The following LINGO2 variants were observed in gnomAD, a reference collection of about 807,000 sequenced individuals.
The protein encoded by LINGO2 is leucine rich repeat and Ig domain containing 2.
A neutral mutation model predicts 30.6 loss-of-function variants in LINGO2; 14 were observed. The ratio of observed to expected loss-of-function variants is 0.46; its 90% CI spans 0.30 to 0.72. LINGO2 has a LOEUF of 0.72. Ranked by LOEUF, LINGO2 falls within the 30% of genes least tolerant of loss-of-function variation. The pLI is 0.07. For missense variants in LINGO2, 729 were observed against 751.7 expected (o/e 0.97, Z 0.35); for synonymous variants, 317 against 288.5 (o/e 1.10, Z -1.00).
At chr9:28,943,144 A>AATCTCAGG in the LINGO2 span, among the ~76,000 whole-genome samples, 2 of 152,174 alleles carry the variant, frequency 1.3e-5, no homozygotes, top group African/African-American at 4.8e-5. Flanking sequence ...GTAAAGACGC[A>AATCTCAGG]ATCTCAGGCT....
chr9:28,053,447 A>G (rs940309298), intron 4 of LINGO2, among the ~76,000 whole-genome samples: 17 of 152,266 alleles, frequency 1.1e-4, no homozygotes, highest in African/African-American at 3.8e-4. Flanking sequence ...TTGTATACGA[A>G]TAAATGGTAG....
At chr9:28,874,934 T>C in the LINGO2 span, among the ~76,000 whole-genome samples, 11 of 152,104 alleles carry the variant, frequency 7.2e-5, no homozygotes, top group Middle Eastern at 3.2e-3. Flanking sequence ...GTTGTACTGG[T>C]TGACTATACC....
chr9:28,963,631 C>T, the LINGO2 span, among the ~76,000 whole-genome samples: 1 of 151,228 alleles, frequency 6.6e-6, no homozygotes, highest in African/African-American at 2.4e-5. Context: ...TTTGCAGCAA[C>T]ATGGATGCAA....
At chr9:28,304,248 G>GTATA (rs143008292) in intron 3 of LINGO2, among the ~76,000 whole-genome samples, 61 of 148,964 alleles carry the variant, frequency 4.1e-4, no homozygotes, top group African/African-American at 1.4e-3. Context: ...AATTTAAAAT[G>GTATA]TATATATATA....
the LINGO2 span, among the ~76,000 whole-genome samples, chr9:29,076,840 T>C: frequency 2.0e-5 from 3 of 151,880 alleles, no homozygotes; most frequent in Non-Finnish European, 2.9e-5. Context: ...GGATAGGCAA[T>C]ATTTAAAATG....
At chr9:28,915,931 C>T in the LINGO2 span, among the ~76,000 whole-genome samples, 1 of 152,198 alleles carries the variant, frequency 6.6e-6, no homozygotes, top group East Asian at 1.9e-4. Context: ...GATAAACGGT[C>T]GCGAATTTCT....
chr9:29,131,392 G>C, the LINGO2 span, among the ~76,000 whole-genome samples: 2 of 151,962 alleles, frequency 1.3e-5, no homozygotes, highest in Non-Finnish European at 2.9e-5. Flanking sequence ...TTAACACAAA[G>C]ACTGCTAAGT....
At chr9:28,611,002 GA>G (rs1825893493) in intron 1 of LINGO2, among the ~76,000 whole-genome samples, 1 of 152,012 alleles carries the variant, frequency 6.6e-6, no homozygotes, top group Non-Finnish European at 1.5e-5. Flanking sequence ...AATATTTGGG[GA>G]AAAATGTGCC....
chr9:28,307,832 T>A (rs1363171984), intron 3 of LINGO2, among the ~76,000 whole-genome samples: 1 of 152,136 alleles, frequency 6.6e-6, no homozygotes, highest in Non-Finnish European at 1.5e-5. Context: ...TATTCACAAT[T>A]GCTTCAAAGA....
the LINGO2 span, among the ~76,000 whole-genome samples, chr9:28,810,635 A>C: frequency 6.6e-6 from 1 of 152,180 alleles, no homozygotes; most frequent in African/African-American, 2.4e-5. Flanking sequence ...AAAGATTAAG[A>C]GAGGTGAACT....
chr9:29,144,390 C>A, the LINGO2 span, among the ~76,000 whole-genome samples: 1 of 151,256 alleles, frequency 6.6e-6, no homozygotes, highest in Non-Finnish European at 1.5e-5. Context: ...TTCCTGTCTA[C>A]GAATTTAAAA....
intron 4 of LINGO2, among the ~76,000 whole-genome samples, chr9:28,138,386 A>T (rs1330126974): frequency 6.6e-6 from 1 of 152,238 alleles, no homozygotes; most frequent in Non-Finnish European, 1.5e-5. Flanking sequence ...AGGAAAAGAA[A>T]AATGCCTTCA....
chr9:29,078,233 T>C, the LINGO2 span, among the ~76,000 whole-genome samples: 22 of 152,052 alleles, frequency 1.4e-4, no homozygotes, highest in South Asian at 3.9e-3. Flanking sequence ...AGAACAAGTA[T>C]GCTACAGGCA....
At chr9:28,664,673 A>G (rs1345780635) in intron 1 of LINGO2, among the ~76,000 whole-genome samples, 2 of 152,058 alleles carry the variant, frequency 1.3e-5, no homozygotes, top group Admixed American at 6.6e-5. Context: ...AATCTCTCCA[A>G]TGAGATCATC....
At chr9:29,042,965 A>G in the LINGO2 span, among the ~76,000 whole-genome samples, 1 of 151,930 alleles carries the variant, frequency 6.6e-6, no homozygotes, top group African/African-American at 2.4e-5. Flanking sequence ...ATATGGCTAT[A>G]AAAGGCCAAC....
intron 2 of LINGO2, among the ~76,000 whole-genome samples, chr9:28,389,692 C>T (rs1163498179): frequency 2.6e-5 from 4 of 152,142 alleles, no homozygotes; most frequent in East Asian, 1.9e-4. Flanking sequence ...ACTTCCCACA[C>T]GAAACAAACA....
At chr9:28,531,061 A>T (rs899195736) in intron 1 of LINGO2, among the ~76,000 whole-genome samples, 4 of 148,188 alleles carry the variant, frequency 2.7e-5, no homozygotes, top group Admixed American at 6.8e-5. Flanking sequence ...ATATATATAT[A>T]TATAATATAT....
At chr9:28,168,502 C>A (rs1309550442) in intron 4 of LINGO2, among the ~76,000 whole-genome samples, 1 of 152,172 alleles carries the variant, frequency 6.6e-6, no homozygotes, top group Non-Finnish European at 1.5e-5. Flanking sequence ...TGTTAAGGAG[C>A]TAAAGTACCT....
At chr9:28,620,366 T>A (rs1355015201) in intron 1 of LINGO2, among the ~76,000 whole-genome samples, 1 of 152,152 alleles carries the variant, frequency 6.6e-6, no homozygotes, top group Non-Finnish European at 1.5e-5. Flanking sequence ...CAGCTAGCAC[T>A]GTTCAGCATG....
Sources: gnomAD v4.1 joint callset for allele counts (sites outside exome capture counted in the v4.1 genomes callset) on GRCh38, gnomAD v4.1.1 for gene constraint, MANE v1.5 for transcripts, NCBI Gene and HGNC (gene_info 2026-07-23, HGNC 2026-07-21) for gene names.